Variants in AFF3 observed in about 807,000 individuals in gnomAD.
The protein encoded by AFF3 is ALF transcription elongation factor 3.
In AFF3, 32 loss-of-function variants were observed where a neutral mutation model predicts 129.7. The ratio of observed to expected loss-of-function variants is 0.25; its 90% confidence interval spans 0.19 to 0.33. The LOEUF (loss-of-function observed/expected upper bound fraction) is 0.33. Ranked by LOEUF, AFF3 falls within the 10% of genes least tolerant of loss-of-function variation. AFF3 has a pLI of 1.00. For missense variants in AFF3, 1,373 were observed against 1,592.0 expected (o/e 0.86, Z 2.34); for synonymous variants, 644 against 635.4 (o/e 1.01, Z -0.20).
At position 99,613,281 on chromosome 2, in the gene AFF3, T is replaced by A. The variant is rs373421007; in HGVS notation, c.1185-11660A>T. On this transcript the variant is annotated intron_variant, in intron 13 of 24. Coordinates refer to ENST00000672756, the MANE Select transcript of AFF3 (RefSeq NM_001386135.1). ...AATTGGATAGTGTTTTACCTTTTCA[T>A]AGTGTTCTGGGAAACGTTAAGTAAT... Among the ~76,000 whole-genome samples, 14 of 152,358 alleles carry A rather than the reference T, an allele frequency of 9.2e-5. No homozygotes were observed. In the South Asian group the frequency reaches 1.2e-3, roughly 14 times the overall value.
chr2:99,992,217 T>C lies in AFF3; in HGVS notation c.873+14415A>G, dbSNP rs1284452388. Among the ~76,000 whole-genome samples, 6 of 152,316 alleles carry C rather than the reference T, an allele frequency of 3.9e-5. No individual in the cohort carries two copies. The East Asian group carries it at 9.6e-4, about 24-fold the overall frequency. On this transcript the variant is annotated intron_variant, in intron 7 of 24. Coordinates refer to ENST00000672756, the MANE Select transcript of AFF3 (RefSeq NM_001386135.1). The stretch of plus-strand genomic sequence containing the variant: ...TTTTTTACTTCTGCTAGCTATTTAA[T>C]CTAGGAAATACAGCTCAGAAAAAAA...
intron 8 of AFF3, among the ~76,000 whole-genome samples, chr2:99,830,184 A>G (rs910463507): frequency 1.4e-4 from 22 of 152,080 alleles, no homozygotes; most frequent in African/African-American, 5.3e-4. Context: ...AGGGCTCAAA[A>G]CCTAGATGAC....
Position 99,548,666 on chromosome 2 carries a change from C to CCAGG in AFF3, c.*2804_*2807dup, listed in dbSNP as rs1674199165. On this transcript the variant is annotated 3_prime_UTR_variant, in exon 25 of 25. Coordinates refer to ENST00000672756, the MANE Select transcript of AFF3 (RefSeq NM_001386135.1). ...GCTGAGGCAGGAGGATTGCTTGAGC[C>CCAGG]CAGGAGTTTGAGGCTGCAGGGAGCC... The CCAGG allele has an allele frequency of 4.6e-6, 1 of 217,798 alleles. No homozygotes were observed. Among genetic ancestry groups the CCAGG allele is most frequent in the South Asian group, 1.9e-4 (1 of 5,400 alleles). 13.5% of individuals were successfully genotyped at this position (217,798 alleles called of 1,614,324 possible). A position where few individuals can be genotyped will look rare whatever the true frequency, so the allele number is the denominator to read the frequency against.
chr2:99,589,620 C>T (rs767120684), intron 15 of AFF3, among the ~76,000 whole-genome samples: 5 of 151,886 alleles, frequency 3.3e-5, no homozygotes, highest in African/African-American at 7.3e-5. Context: ...AGGATGGTCT[C>T]GATCTCTTGA....
chr2:100,023,212 C>T (rs566811736), intron 4 of AFF3, among the ~76,000 whole-genome samples: 1 of 152,296 alleles, frequency 6.6e-6, no homozygotes, highest in South Asian at 2.1e-4. Context: ...TTCACTGAGC[C>T]AGTAAGGATA....
At chr2:99,680,737 G>C (rs1161105845) in intron 11 of AFF3, among the ~76,000 whole-genome samples, 1 of 152,110 alleles carries the variant, frequency 6.6e-6, no homozygotes, top group African/African-American at 2.4e-5. Flanking sequence ...TTTGTTCTTT[G>C]GTTGGAAACA....
At chr2:99,737,895 A>G (rs1680387576) in intron 10 of AFF3, among the ~76,000 whole-genome samples, 1 of 151,380 alleles carries the variant, frequency 6.6e-6, no homozygotes, top group South Asian at 2.1e-4. Context: ...TTTCCAATTC[A>G]TTAATTCTTT....
chr2:99,732,145 G>C (rs1345218955), intron 10 of AFF3, among the ~76,000 whole-genome samples: 1 of 152,074 alleles, frequency 6.6e-6, no homozygotes, highest in African/African-American at 2.4e-5. Flanking sequence ...ACGAGGTCAG[G>C]AGATTGAGAC....
chr2:99,804,332 A>G lies in AFF3; in HGVS notation c.921+33145T>C, dbSNP rs1686179510. On this transcript the variant is annotated intron_variant, in intron 8 of 24. Coordinates refer to ENST00000672756, the MANE Select transcript of AFF3 (RefSeq NM_001386135.1). ...CACAAATGGCCAAAAAATATATGAA[A>G]AAATGTTCAACATCAGTAATCATCA... Among the ~76,000 whole-genome samples the G allele has an allele frequency of 1.3e-5, 2 of 152,236 alleles. 1 individual carries two copies. The highest frequency in any genetic ancestry group is 4.1e-4 in the South Asian group (2 of 4,830).
chr2:100,136,963 T>C (rs1421461855), intron 1 of AFF3, among the ~76,000 whole-genome samples: 1 of 152,220 alleles, frequency 6.6e-6, no homozygotes, highest in Admixed American at 6.5e-5. Context: ...ATTTAACTTT[T>C]GATGCCTTTT....
chr2:99,621,005 T>C (rs1274751520), intron 13 of AFF3, among the ~76,000 whole-genome samples: 2 of 152,046 alleles, frequency 1.3e-5, no homozygotes, highest in Non-Finnish European at 2.9e-5. Flanking sequence ...TAAATCTCTT[T>C]TCTTTATAAA....
intron 11 of AFF3, among the ~76,000 whole-genome samples, chr2:99,689,434 G>C (rs1675382506): frequency 6.6e-6 from 1 of 151,888 alleles, no homozygotes; most frequent in African/African-American, 2.4e-5. Flanking sequence ...ACTCCTCAAA[G>C]ACCACCCCAA....
chr2:99,849,797 T>C (rs1690014316), intron 7 of AFF3, among the ~76,000 whole-genome samples: 3 of 152,226 alleles, frequency 2.0e-5, no homozygotes, highest in African/African-American at 7.2e-5. Flanking sequence ...TTCTGCAAGA[T>C]TGATTTCCCA....
In AFF3 at chr2:99,547,179, G is replaced by C. The variant is rs1674101147; in HGVS notation, c.*4295C>G. 4.6e-6 allele frequency: 1 copy of C among 217,184 alleles called. No individual in the cohort carries two copies. The highest frequency in any genetic ancestry group is 6.9e-5 in the East Asian group (1 of 14,590). 13.5% of individuals were successfully genotyped at this position (217,184 alleles called of 1,614,324 possible). A position where few individuals can be genotyped will look rare whatever the true frequency, so the allele number is the denominator to read the frequency against. On this transcript the variant is annotated 3_prime_UTR_variant, in exon 25 of 25. Transcript: ENST00000672756. ...AGAACAACTGACTTGAACGTATTTT[G>C]ATTCTCAAGTTTCCGTGTAAAAATA...
Position 99,582,990 on chromosome 2 carries a change from T to G in AFF3, c.2601A>C (p.Ile867=). Residue 867 remains isoleucine (I), a synonymous_variant, in exon 17 of 25, where the codon ATA becomes ATC. Coordinates refer to ENST00000672756, the MANE Select transcript of AFF3 (RefSeq NM_001386135.1). Reference sequence around the variant, plus strand: ...GCATTTTTTCATTTTTATTTATTGGTATTGCCACACTGAAAAAGGAAATTA... The same window carrying G: ...GCATTTTTTCATTTTTATTTATTGGGATTGCCACACTGAAAAAGGAAATTA... The part of the protein sequence containing the change: ...HCNMNINSVA[I]PINKNEKMLR... The G allele has an allele frequency of 6.2e-7, 1 of 1,613,930 alleles. No homozygotes were observed. Among genetic ancestry groups the G allele is most frequent in the Non-Finnish European group, 8.5e-7 (1 of 1,179,878 alleles).
chr2:100,030,097 AATG>A (rs1385640030), intron 4 of AFF3, among the ~76,000 whole-genome samples: 1 of 146,144 alleles, frequency 6.8e-6, no homozygotes, highest in African/African-American at 2.5e-5. Context: ...TAATAATAAT[AATG>A]ATAAGATGAT....
intron 16 of AFF3, among the ~76,000 whole-genome samples, chr2:99,585,929 C>T (rs145705412): frequency 0.024 from 3,713 of 152,182 alleles, 98 homozygotes; most frequent in East Asian, 0.1. Context: ...CGGGGTTTCA[C>T]CATATTGGCC....
intron 11 of AFF3, among the ~76,000 whole-genome samples, chr2:99,683,781 C>T (rs1292795175): frequency 6.6e-6 from 1 of 152,226 alleles, no homozygotes; most frequent in Non-Finnish European, 1.5e-5. Context: ...CCGACGAGCA[C>T]ATTCTAGGTG....
intron 7 of AFF3, among the ~76,000 whole-genome samples, chr2:99,989,801 T>G (rs2104575561): frequency 6.6e-6 from 1 of 152,374 alleles, no homozygotes; most frequent in South Asian, 2.1e-4. Flanking sequence ...TTCATTTTAC[T>G]TGTTTCTAAG....
Sources: allele counts gnomAD v4.1 joint callset (sites outside exome capture counted in the v4.1 genomes callset), GRCh38; gene constraint gnomAD v4.1.1; transcripts MANE v1.5; gene names NCBI Gene and HGNC (gene_info 2026-07-23, HGNC 2026-07-21).